The following GREM2 variants were observed in gnomAD, a reference collection of about 807,000 sequenced individuals.
GREM2 encodes the protein gremlin 2, DAN family BMP antagonist.
A neutral mutation model predicts 14.2 loss-of-function variants in GREM2; 11 were observed. The ratio of observed to expected loss-of-function variants is 0.78; its 90% CI spans 0.49 to 1.28. GREM2 has a LOEUF of 1.28. Ranked by LOEUF, GREM2 falls within the 50% of genes most tolerant of loss-of-function variation. The probability of loss-of-function intolerance (pLI) is 0.00; values close to 1 mark genes in which losing one functional copy is unlikely to be tolerated. For missense variants in GREM2, 210 were observed against 218.5 expected, an observed-to-expected ratio of 0.96 and a Z score of 0.24; for synonymous variants, 98 against 97.6, an observed-to-expected ratio of 1.00 and a Z score of -0.02.
At chr1:240,601,927 A>C (rs1239908531) in intron 1 of GREM2, among the ~76,000 whole-genome samples, 1 of 152,032 alleles carries the variant, frequency 6.6e-6, no homozygotes, top group Non-Finnish European at 1.5e-5. Context: ...AAAAAAAAAA[A>C]AAAAGGATAT....
chr1:240,591,222 T>C lies in GREM2; in HGVS notation c.-2+20662A>G, dbSNP rs543767603. On this transcript the variant is annotated intron_variant, in intron 1 of 1. Coordinates refer to ENST00000318160, the MANE Select transcript of GREM2 (RefSeq NM_022469.4). ...TTATTTATTATTTCCTTGTTTACTTTCCACTCTCTACCACTGTCATTGGCT... is the reference window on the plus strand; with the variant it reads ...TTATTTATTATTTCCTTGTTTACTTCCCACTCTCTACCACTGTCATTGGCT... 5.3e-5 allele frequency among the ~76,000 whole-genome samples: 8 copies of C among 152,346 alleles called. No homozygotes were observed. In the South Asian group the frequency reaches 1.7e-3, roughly 32 times the overall value.
intron 1 of GREM2, among the ~76,000 whole-genome samples, chr1:240,527,335 A>C (rs1678247529): frequency 6.6e-6 from 1 of 152,204 alleles, no homozygotes; most frequent in South Asian, 2.1e-4. Context: ...GGAGTCTTTA[A>C]AATAATACTG....
intron 1 of GREM2, among the ~76,000 whole-genome samples, chr1:240,534,650 G>A (rs1284326527): frequency 2.0e-5 from 3 of 147,002 alleles, no homozygotes; most frequent in East Asian, 2.0e-4. Context: ...CTGAGATCTT[G>A]CCACTGCACT....
intron 1 of GREM2, among the ~76,000 whole-genome samples, chr1:240,498,639 C>A (rs963512921): frequency 1.3e-5 from 2 of 152,196 alleles, no homozygotes; most frequent in Non-Finnish European, 2.9e-5. Context: ...ATGTCAGCGG[C>A]CCCGCCAGGA....
chr1:240,496,007 G>A (rs1342737985), intron 1 of GREM2, among the ~76,000 whole-genome samples: 1 of 151,924 alleles, frequency 6.6e-6, no homozygotes, highest in Non-Finnish European at 1.5e-5. Flanking sequence ...CACGATCTCA[G>A]CTCACTGCAA....
At chr1:240,589,405 A>C (rs1679663236) in intron 1 of GREM2, among the ~76,000 whole-genome samples, 1 of 151,992 alleles carries the variant, frequency 6.6e-6, no homozygotes, top group East Asian at 1.9e-4. Flanking sequence ...ATTGCACTCC[A>C]GCCTGGGCAA....
intron 1 of GREM2, among the ~76,000 whole-genome samples, chr1:240,603,026 T>C (rs931650613): frequency 6.6e-6 from 1 of 151,520 alleles, no homozygotes; most frequent in Non-Finnish European, 1.5e-5. Flanking sequence ...TGAGCTGAGA[T>C]CGCACCATTG....
At chr1:240,497,537 A>G (rs985048767) in intron 1 of GREM2, among the ~76,000 whole-genome samples, 2 of 151,960 alleles carry the variant, frequency 1.3e-5, no homozygotes, top group African/African-American at 4.8e-5. Context: ...TTGAAATCTG[A>G]ACAGGATTCC....
chr1:240,552,796 T>C (rs1220106239), intron 1 of GREM2, among the ~76,000 whole-genome samples: 2 of 152,218 alleles, frequency 1.3e-5, no homozygotes, highest in African/African-American at 2.4e-5. Context: ...GATGCTGTAC[T>C]TGAAAGTTTT....
chr1:240,559,340 C>CTT (rs61006579), intron 1 of GREM2, among the ~76,000 whole-genome samples: 1,366 of 110,036 alleles, frequency 0.012, 31 homozygotes, highest in Non-Finnish European at 0.015. Context: ...ATCAAAAAGT[C>CTT]TTTTTTTTTT....
rs185234667 is a variant in GREM2 at position 240,548,731 on chromosome 1, C to T, written c.-1-55255G>A. ...AGAGCCATGAAAAGAGATGAAATTC[C>T]TGAGGGAGAAATAAAAGGGAAGTGA... On this transcript the variant is annotated intron_variant, in intron 1 of 1. Transcript: ENST00000318160. 2.9e-3 allele frequency among the ~76,000 whole-genome samples: 435 copies of T among 151,944 alleles called. 2 individuals are homozygous for T. Among genetic ancestry groups the T allele is most frequent in the Non-Finnish European group, 4.8e-3 (324 of 67,982 alleles).
In GREM2 at chr1:240,492,686, T is replaced by G. The variant is rs1677285587; in HGVS notation, c.*283A>C. On this transcript the variant is annotated 3_prime_UTR_variant, in exon 2 of 2. Coordinates refer to ENST00000318160, the MANE Select transcript of GREM2 (RefSeq NM_022469.4). ...ACCTCGAAAGGTCCTCTCTGACTGC[T>G]GGGTGGCGGTGGTGGTTTTCCAGCA... The G allele has an allele frequency of 3.9e-6, 1 of 259,418 alleles. No individual in the cohort carries two copies. The highest frequency in any genetic ancestry group is 7.3e-6 in the Non-Finnish European group (1 of 137,678). The allele number at this position is 259,418 out of a possible 1,614,324, so 16.1% of individuals were successfully genotyped here.
At chr1:240,493,667 A>G (rs1677326211) in intron 1 of GREM2, among the ~76,000 whole-genome samples, 191 bp from the exon 2 acceptor site, 1 of 152,030 alleles carries the variant, frequency 6.6e-6, no homozygotes, top group African/African-American at 2.4e-5. Flanking sequence ...CTAGAACTAC[A>G]GGCTTGCACC....
chr1:240,566,547 T>G (rs1233752221), intron 1 of GREM2, among the ~76,000 whole-genome samples: 5 of 152,056 alleles, frequency 3.3e-5, no homozygotes, highest in African/African-American at 1.2e-4. Context: ...AGGACAGAAT[T>G]TGTGAGATGA....
At chr1:240,497,073 C>T (rs1245902170) in intron 1 of GREM2, among the ~76,000 whole-genome samples, 1 of 151,784 alleles carries the variant, frequency 6.6e-6, no homozygotes, top group Non-Finnish European at 1.5e-5. Flanking sequence ...TCATTGCCTT[C>T]AACAAGTCTG....
chr1:240,531,446 C>T (rs1002301322), intron 1 of GREM2, among the ~76,000 whole-genome samples: 11 of 152,166 alleles, frequency 7.2e-5, no homozygotes, highest in African/African-American at 2.4e-4. Flanking sequence ...GAAATGCGTC[C>T]GTCTCAAGTT....
chr1:240,524,912 G>A (rs1366065425), intron 1 of GREM2, among the ~76,000 whole-genome samples: 2 of 152,132 alleles, frequency 1.3e-5, no homozygotes, highest in Non-Finnish European at 2.9e-5. Context: ...GCCAGTCGTG[G>A]AAAGCCCAGG....
intron 1 of GREM2, among the ~76,000 whole-genome samples, chr1:240,545,562 A>G (rs1678699779): frequency 7.7e-6 from 1 of 129,090 alleles, no homozygotes; most frequent in South Asian, 2.4e-4. Context: ...GTAAGACAAC[A>G]TAGGACTTAA....
intron 1 of GREM2, among the ~76,000 whole-genome samples, chr1:240,572,363 A>G (rs1171696060): frequency 1.3e-5 from 2 of 152,198 alleles, no homozygotes; most frequent in Non-Finnish European, 2.9e-5. Flanking sequence ...GTATTCCTGG[A>G]ACAAAAATGA....
Sources: gnomAD v4.1 joint callset for allele counts (sites outside exome capture counted in the v4.1 genomes callset) on GRCh38, gnomAD v4.1.1 for gene constraint, MANE v1.5 for transcripts, NCBI Gene and HGNC (gene_info 2026-07-23, HGNC 2026-07-21) for gene names.